Variants in SLC25A23 observed in about 807,000 individuals in gnomAD.
SLC25A23 encodes the protein mitochondrial adenyl nucleotide antiporter SLC25A23.
Under a neutral mutation model 53.9 loss-of-function variants are expected in SLC25A23, and 32 were observed. The observed-to-expected ratio is 0.59, with a 90% CI of 0.45 to 0.80. The LOEUF (loss-of-function observed/expected upper bound fraction) is 0.80, where lower values mean the gene tolerates loss of function less well. SLC25A23 is among the 30% of genes least tolerant of loss of function. The pLI, the probability that SLC25A23 is intolerant of heterozygous loss-of-function variation, is 0.00. For synonymous variants in SLC25A23, 275 were observed against 264.5 expected (o/e 1.04, Z -0.38); for missense variants, 575 against 651.4 (o/e 0.88, Z 1.28).
chr19:6,454,445 T>A lies in SLC25A23; in HGVS notation c.673A>T (p.Ile225Phe), dbSNP rs1187817824. The change falls in exon 6 of 10, where the codon ATC becomes TTC. Residue 225 changes from isoleucine (I) to phenylalanine (F), a missense_variant. Transcript: ENST00000301454. The surrounding 1 kb of genome is among the most constrained non-coding windows in gnomAD (Gnocchi z 4.3). ...VHASKTNRLN[I>F]LGGLRSMVLE... Reference sequence around the variant, plus strand: ...ACCATGCTTCGAAGCCCCCCAAGGATGTTCAGCCGGTTGGTCTTTGAGGCA... The same window carrying A: ...ACCATGCTTCGAAGCCCCCCAAGGAAGTTCAGCCGGTTGGTCTTTGAGGCA... 8.7e-6 allele frequency: 14 copies of A among 1,613,974 alleles called. No individual in the cohort carries two copies. The highest frequency in any genetic ancestry group is 1.3e-5 in the African/African-American group (1 of 74,912).
intron 8 of SLC25A23, among the ~76,000 whole-genome samples, chr19:6,446,804 G>A (rs1052362125): frequency 2.6e-5 from 4 of 152,180 alleles, no homozygotes; most frequent in African/African-American, 4.8e-5. Flanking sequence ...CTTAGAAGGT[G>A]ACATTCTTTG....
chr19:6,440,611 G>T lies in SLC25A23; in HGVS notation c.*1364C>A, dbSNP rs2092407220. The T allele has an allele frequency of 6.6e-6, 1 of 151,814 alleles. No homozygotes were observed. Among genetic ancestry groups the T allele is most frequent in the African/African-American group, 2.4e-5 (1 of 41,320 alleles). The allele number at this position is 151,814 out of a possible 1,614,324, so 9.4% of individuals were successfully genotyped here. On this transcript the variant is annotated 3_prime_UTR_variant, in exon 10 of 10. Coordinates refer to ENST00000301454, the MANE Select transcript of SLC25A23 (RefSeq NM_024103.3). ...GTGGGAGGGGGATGGAAGATGCTGTGAAGTGTGGGGATGCAGGGAGTGGAG... is the reference window on the plus strand; with the variant it reads ...GTGGGAGGGGGATGGAAGATGCTGTTAAGTGTGGGGATGCAGGGAGTGGAG...
At chr19:6,449,139 AAC>A (rs1338800475) in intron 8 of SLC25A23, among the ~76,000 whole-genome samples, 5 of 152,308 alleles carry the variant, frequency 3.3e-5, no homozygotes, top group African/African-American at 1.2e-4. Context: ...TTAAGGGACA[AAC>A]ACAGATTTTG....
At chr19:6,436,643 A>T (rs1044372557), downstream of SLC25A23, among the ~76,000 whole-genome samples, 6 of 150,342 alleles carry the variant, frequency 4.0e-5, no homozygotes, top group African/African-American at 1.5e-4. Context: ...TCTGCCACCC[A>T]GGTTCAAGCA....
Position 6,444,176 on chromosome 19 carries a change from C to A in SLC25A23, c.1197G>T (p.Leu399=). The part of the protein sequence containing the change: ...CGQIASYPLA[L]VRTRMQAQAS... ...CTTGTGCCTGCATGCGGGTCCGGAC[C>A]AGGGCCAGCGGGTAACTGGCTATCT... Residue 399 remains leucine, a synonymous_variant, in exon 9 of 10, where the codon CTG becomes CTT. Transcript: ENST00000301454. 1 of 1,595,288 alleles carries A rather than the reference C, an allele frequency of 6.3e-7. No homozygotes were observed. The highest frequency in any genetic ancestry group is 2.3e-5 in the East Asian group (1 of 44,270).
Position 6,442,165 on chromosome 19 carries a change from A to AGGGGGT in SLC25A23, c.1223-7_1223-6insACCCCC. On this transcript the variant is annotated splice_region_variant and splice_polypyrimidine_tract_variant and intron_variant, in intron 9 of 9. Transcript: ENST00000301454. ...GGGGCCACCCTCGATGGAGGCTGGG[A>AGGGGGT]GGGGGCGGGGGGGGCACCAGGTAAG... 1 of 642,560 alleles carries AGGGGGT rather than the reference A, an allele frequency of 1.6e-6. No homozygotes were observed. 39.8% of individuals were successfully genotyped at this position (642,560 alleles called of 1,614,324 possible).
Position 6,459,254 on chromosome 19 carries a change from G to A in SLC25A23, c.156+219C>T, listed in dbSNP as rs2092725985. Among the ~76,000 whole-genome samples, 1 of 152,286 alleles carries A rather than the reference G, an allele frequency of 6.6e-6. No homozygotes were observed. The highest frequency in any genetic ancestry group is 2.4e-5 in the African/African-American group (1 of 41,560). On this transcript the variant is annotated intron_variant, in intron 1 of 9. Transcript: ENST00000301454. This position sits in a 1 kb window ranked among gnomAD's most constrained non-coding sequence, Gnocchi z 4.6. ...CCCTGCCCCGCAGCAGGGGGATCGG[G>A]TGTTGGCCGCGGAACTGCAGGCTTG... is the stretch of plus-strand genomic sequence containing the variant.
intron 8 of SLC25A23, among the ~76,000 whole-genome samples, chr19:6,451,974 C>T (rs543170772): frequency 1.2e-4 from 19 of 152,058 alleles, no homozygotes; most frequent in Non-Finnish European, 1.0e-4. Flanking sequence ...TCTCATGCCT[C>T]GGCCTTTTGG....
intron 8 of SLC25A23, 66 bp downstream of exon 8, chr19:6,452,246 G>A: frequency 6.5e-7 from 1 of 1,549,468 alleles, no homozygotes; most frequent in Non-Finnish European, 8.7e-7. Context: ...CAGGGGAAGG[G>A]GAAGGGGTGT....
intron 4 of SLC25A23, 200 bp downstream of exon 4, chr19:6,456,220 C>A: frequency 1.9e-6 from 2 of 1,054,726 alleles, no homozygotes; most frequent in Non-Finnish European, 1.3e-6. Context: ...TTCAATCAGA[C>A]AGCAGAGATG....
rs1034080905 is a variant in SLC25A23 at position 6,459,760 on chromosome 19, CG to C, written c.-133del. ...CCGGCTCCGCAGCCTCCGCGCAGTC[CG>C]CTCGGCTCTGGCACTTGCGGGAGGT... On this transcript the variant is annotated 5_prime_UTR_variant, in exon 1 of 10. Coordinates refer to ENST00000301454, the MANE Select transcript of SLC25A23 (RefSeq NM_024103.3). The surrounding 1 kb of genome is among the most constrained non-coding windows in gnomAD (Gnocchi z 4.6). 186 of 742,240 alleles carry C rather than the reference CG, an allele frequency of 2.5e-4. 1 individual carries two copies. In the African/African-American group the frequency reaches 3.0e-3, roughly 12 times the overall value. The allele number at this position is 742,240 out of a possible 1,614,324, so 46.0% of individuals were successfully genotyped here. A position where few individuals can be genotyped will look rare whatever the true frequency, so the allele number is the denominator to read the frequency against.
In SLC25A23 at chr19:6,459,539, G is replaced by T; in HGVS notation, c.90C>A (p.Asp30Glu). ...ELDSNKDGRV[D>E]VHELRQGLAR... Reference sequence around the variant, plus strand: ...CCAGCCCCTGGCGCAACTCGTGCACGTCCACGCGGCCATCCTTGTTACTGT... The same window carrying T: ...CCAGCCCCTGGCGCAACTCGTGCACTTCCACGCGGCCATCCTTGTTACTGT... Residue 30 changes from aspartate to glutamate, a missense_variant, in exon 1 of 10, where the codon GAC (aspartate) becomes GAA (glutamate). By Grantham distance (45) the Asp-to-Glu change is conservative. Coordinates refer to ENST00000301454, the MANE Select transcript of SLC25A23 (RefSeq NM_024103.3). The surrounding 1 kb of genome is among the most constrained non-coding windows in gnomAD (Gnocchi z 4.6). 1 of 1,599,060 alleles carries T rather than the reference G, an allele frequency of 6.3e-7. No homozygotes were observed. Among genetic ancestry groups the T allele is most frequent in the Non-Finnish European group, 8.5e-7 (1 of 1,177,160 alleles).
At position 6,454,901 on chromosome 19, in the gene SLC25A23, G is replaced by C. The variant is rs967473302; in HGVS notation, c.484-184C>G. On this transcript the variant is annotated intron_variant, in intron 4 of 9. Transcript: ENST00000301454. This position sits in a 1 kb window ranked among gnomAD's most constrained non-coding sequence, Gnocchi z 4.3. ...AGGTGTCACCAAAGCATCTAACCTA[G>C]CAGCCTCCTTAGAAGATCCCAATAT... 3.9e-5 allele frequency among the ~76,000 whole-genome samples: 6 copies of C among 152,100 alleles called. No individual in the cohort carries two copies. Among genetic ancestry groups the C allele is most frequent in the African/African-American group, 1.2e-4 (5 of 41,408 alleles).
intron 4 of SLC25A23, among the ~76,000 whole-genome samples, chr19:6,455,076 G>T (rs2092658432): frequency 6.6e-6 from 1 of 152,060 alleles, no homozygotes; most frequent in South Asian, 2.1e-4. Flanking sequence ...ATCCCTTGGG[G>T]CCAGGAGTTC....
At chr19:6,455,781 G>A (rs2092672846) in intron 4 of SLC25A23, among the ~76,000 whole-genome samples, 2 of 143,198 alleles carry the variant, frequency 1.4e-5, no homozygotes, top group South Asian at 2.3e-4. Context: ...GCAGTGGCAC[G>A]ATCTCGGCTC....
rs199968517 is a variant in SLC25A23 at position 6,452,413 on chromosome 19, G to A, written c.970C>T (p.Arg324Cys). The A allele has an allele frequency of 5.9e-5, 95 of 1,613,856 alleles. 1 individual carries two copies. The highest frequency in any genetic ancestry group is 2.0e-4 in the South Asian group (18 of 91,032). The part of the protein sequence containing the change: ...QYKGLLDCAR[R>C]ILEREGPRAF... ...CGGGGCCCCTCCCTCTCCAGGATAC[G>A]CCTGGCGCAGTCCAGCAGCCCCTTA... Residue 324 changes from arginine (R) to cysteine (C), a missense_variant, in exon 8 of 10, where the codon CGT (arginine) becomes TGT (cysteine). Arg to Cys is a radical substitution (Grantham distance 180, BLOSUM62 -3). Transcript: ENST00000301454.
intron 8 of SLC25A23, among the ~76,000 whole-genome samples, chr19:6,446,475 C>A (rs1256320923): frequency 6.6e-6 from 1 of 152,234 alleles, no homozygotes; most frequent in African/African-American, 2.4e-5. Flanking sequence ...TGACTTCTTA[C>A]TGCCAACATT....
chr19:6,456,538 G>T lies in SLC25A23; in HGVS notation c.372-7C>A, dbSNP rs775332648. ...TGTGCCGTCTCGGTCCATGCTGGGG[G>T]GAAGAAAGGGGGTGGAGGAGGACAG... On this transcript the variant is annotated splice_polypyrimidine_tract_variant and splice_region_variant and intron_variant, in intron 3 of 9. Transcript: ENST00000301454. The T allele has an allele frequency of 1.3e-4, 211 of 1,610,986 alleles. No homozygotes were observed. The highest frequency in any genetic ancestry group is 6.8e-6 in the Non-Finnish European group (8 of 1,177,784).
intron 8 of SLC25A23, 98 bp from the exon 9 acceptor site, chr19:6,444,399 T>TA (rs1265710746): frequency 2.9e-5 from 38 of 1,333,190 alleles, no homozygotes; most frequent in Non-Finnish European, 3.7e-5. Flanking sequence ...TGACAGGTGC[T>TA]ACTAGCTGAG....
Sources: gnomAD v4.1 joint callset for allele counts (sites outside exome capture counted in the v4.1 genomes callset) on GRCh38, gnomAD v4.1.1 for gene constraint, Gnocchi (gnomAD v3.1) non-coding constraint, MANE v1.5 for transcripts, NCBI Gene and HGNC (gene_info 2026-07-23, HGNC 2026-07-21) for gene names.